Variants in FYB1 observed in about 807,000 individuals in gnomAD.
FYB1 encodes the protein FYN binding protein 1.
A neutral mutation model predicts 94.1 loss-of-function variants in FYB1; 41 were observed. The ratio of observed to expected loss-of-function variants is 0.44; its 90% CI spans 0.34 to 0.57. The LOEUF is 0.57. FYB1 is among the 20% of genes least tolerant of loss of function. The pLI, the probability that FYB1 is intolerant of heterozygous loss-of-function variation, is 0.02. For missense variants in FYB1, 1,050 were observed against 976.8 expected (o/e 1.07, Z -1.00); for synonymous variants, 367 against 353.2 (o/e 1.04, Z -0.44).
intron 1 of FYB1, among the ~76,000 whole-genome samples, chr5:39,209,206 G>A (rs1749132357): frequency 6.6e-6 from 1 of 152,090 alleles, no homozygotes; most frequent in African/African-American, 2.4e-5. Flanking sequence ...AGAGTTAACG[G>A]TTGCTGGCTG....
At chr5:39,245,258 G>T (rs76216715) in intron 1 of FYB1, among the ~76,000 whole-genome samples, 72 of 152,132 alleles carry the variant, frequency 4.7e-4, no homozygotes, top group African/African-American at 1.6e-3. Context: ...TGAGATATAG[G>T]GTCAAAATAC....
At chr5:39,112,513 T>A (rs958434821) in intron 16 of FYB1, among the ~76,000 whole-genome samples, 1 of 152,042 alleles carries the variant, frequency 6.6e-6, no homozygotes, top group Non-Finnish European at 1.5e-5. Context: ...CTGAAGTTAT[T>A]CTGGCATCAA....
upstream of FYB1, among the ~76,000 whole-genome samples, chr5:39,223,132 TAAAAATA>T (rs1470786250): frequency 2.6e-5 from 4 of 151,840 alleles, no homozygotes; most frequent in African/African-American, 9.7e-5. Flanking sequence ...AAATAAAATT[TAAAAATA>T]AAAAATAAAA....
intron 2 of FYB1, among the ~76,000 whole-genome samples, chr5:39,190,318 A>T (rs377761578): frequency 6.6e-6 from 1 of 152,230 alleles, no homozygotes; most frequent in African/African-American, 2.4e-5. Context: ...ATGAGAAAGA[A>T]GAAGAAAGTG....
chr5:39,170,929 A>C (rs1218472519), intron 2 of FYB1, among the ~76,000 whole-genome samples: 1 of 152,156 alleles, frequency 6.6e-6, no homozygotes, highest in East Asian at 1.9e-4. Flanking sequence ...CTGCTCTCTG[A>C]TCAGAACGCT....
intron 2 of FYB1, among the ~76,000 whole-genome samples, chr5:39,189,153 T>A (rs1006679874): frequency 6.6e-6 from 1 of 151,866 alleles, no homozygotes. Flanking sequence ...GTCTGGGGTA[T>A]CCTTGTAATA....
intron 1 of FYB1, among the ~76,000 whole-genome samples, chr5:39,230,758 C>T (rs7714859): frequency 0.048 from 7,260 of 151,594 alleles, 455 homozygotes; most frequent in African/African-American, 0.14. Flanking sequence ...ATGCTGGCAT[C>T]ACGGTCTAAT....
chr5:39,192,460 G>C (rs1274904975), intron 2 of FYB1, among the ~76,000 whole-genome samples: 1 of 152,112 alleles, frequency 6.6e-6, no homozygotes, highest in Non-Finnish European at 1.5e-5. Context: ...TATATTACAA[G>C]TGGTCATATC....
Position 39,202,905 on chromosome 5 carries a change from C to T in FYB1, c.56G>A (p.Arg19Gln), listed in dbSNP as rs764819701. ...NPTEDVSVNS[R>Q]PFRVTGPNSS... ...GTTTGGCCCTGTGACTCTGAAGGGTCGGCTATTGACTGAGACATCCTCTGT... is the reference window on the plus strand; with the variant it reads ...GTTTGGCCCTGTGACTCTGAAGGGTTGGCTATTGACTGAGACATCCTCTGT... Residue 19 changes from arginine (R) to glutamine (Q), a missense_variant, in exon 2 of 19, where the codon CGA becomes CAA. By Grantham distance (43) the Arg-to-Gln change is conservative (BLOSUM62 1). Transcript: ENST00000512982. 18 of 1,613,842 alleles carry T rather than the reference C, an allele frequency of 1.1e-5. No individual in the cohort carries two copies. Among genetic ancestry groups the T allele is most frequent in the African/African-American group, 2.7e-5 (2 of 74,894 alleles).
chr5:39,165,782 C>G (rs111663665), intron 2 of FYB1, among the ~76,000 whole-genome samples: 3 of 152,070 alleles, frequency 2.0e-5, no homozygotes, highest in Non-Finnish European at 2.9e-5. Flanking sequence ...AACTCACAAC[C>G]CCCAAAATAA....
chr5:39,111,253 T>A (rs1739051137), intron 16 of FYB1, among the ~76,000 whole-genome samples: 1 of 151,976 alleles, frequency 6.6e-6, no homozygotes, highest in Non-Finnish European at 1.5e-5. Context: ...GCCTAAAATC[T>A]GTTGTATGCT....
rs1328108068 is a variant in FYB1 at position 39,134,864 on chromosome 5, T to C, written c.1666A>G (p.Arg556Gly). The change falls in exon 8 of 19, where the codon AGG (arginine) becomes GGG (glycine). Residue 556 changes from arginine (R) to glycine (G), a missense_variant. By Grantham distance (125) the Arg-to-Gly change is moderately radical (BLOSUM62 -2). Coordinates refer to ENST00000512982, the MANE Select transcript of FYB1 (RefSeq NM_001465.6). ...PEGKWLGRTA[R>G]GSYGYIKTTA... ...AGAAATTTGCACTCACATGAACCCC[T>C]TGCTGTTCTGCCCAACCATTTTCCT... The C allele has an allele frequency of 6.2e-7, 1 of 1,613,928 alleles. No homozygotes were observed. Among genetic ancestry groups the C allele is most frequent in the South Asian group, 1.1e-5 (1 of 91,076 alleles).
At chr5:39,234,306 T>A (rs763463) in intron 1 of FYB1, among the ~76,000 whole-genome samples, 22,980 of 151,948 alleles carry the variant, frequency 0.15, 4,584 homozygotes, top group African/African-American at 0.44. Flanking sequence ...TGGAGACACA[T>A]TTGTGAATCT....
intron 2 of FYB1, among the ~76,000 whole-genome samples, chr5:39,180,742 A>G (rs1408780197): frequency 3.9e-5 from 6 of 152,196 alleles, no homozygotes; most frequent in Non-Finnish European, 8.8e-5. Flanking sequence ...TAGGGGCAGA[A>G]GGCAACTTGA....
At chr5:39,107,569 TA>T (rs1445226087) in intron 18 of FYB1, 104 bp from the exon 19 acceptor site, 351 of 602,466 alleles carry the variant, frequency 5.8e-4, no homozygotes, top group South Asian at 1.1e-3. Context: ...GGTTAAGGAT[TA>T]AAAAAAATAG....
chr5:39,131,093 A>C (rs2150310336), intron 9 of FYB1, among the ~76,000 whole-genome samples: 1 of 152,306 alleles, frequency 6.6e-6, no homozygotes, highest in East Asian at 1.9e-4. Flanking sequence ...AACTTTAAAA[A>C]ACTTGAAATC....
rs115345138 is a variant in FYB1 at position 39,141,364 on chromosome 5, T to C, written c.1293-223A>G. Reference sequence around the variant, plus strand: ...ACTGGAGTATAGCACCATCTATTCATAGTAGACTCATACAATTAATCCGTT... The same window carrying C: ...ACTGGAGTATAGCACCATCTATTCACAGTAGACTCATACAATTAATCCGTT... On this transcript the variant is annotated intron_variant, in intron 3 of 18. Transcript: ENST00000512982. Among the ~76,000 whole-genome samples the C allele has an allele frequency of 7.7e-3, 1,172 of 152,380 alleles. 14 individuals are homozygous for C. Among genetic ancestry groups the C allele is most frequent in the African/African-American group, 0.027 (1,120 of 41,588 alleles).
chr5:39,152,481 T>G (rs1743330378), intron 3 of FYB1, among the ~76,000 whole-genome samples: 1 of 152,154 alleles, frequency 6.6e-6, no homozygotes, highest in Non-Finnish European at 1.5e-5. Flanking sequence ...AAAATCAAAT[T>G]GTACTAAATA....
chr5:39,220,283 T>C (rs779692918), upstream of FYB1, among the ~76,000 whole-genome samples: 1 of 151,690 alleles, frequency 6.6e-6, no homozygotes, highest in Non-Finnish European at 1.5e-5. Flanking sequence ...TGATGGTGCA[T>C]GCCTGTAGCC....
Sources: gnomAD v4.1 joint callset for allele counts (sites outside exome capture counted in the v4.1 genomes callset) on GRCh38, gnomAD v4.1.1 for gene constraint, MANE v1.5 for transcripts, NCBI Gene and HGNC (gene_info 2026-07-23, HGNC 2026-07-21) for gene names.